Variants in BAZ2B observed in about 807,000 individuals in gnomAD.
BAZ2B encodes bromodomain adjacent to zinc finger domain protein 2B.
Under a neutral mutation model 246.0 loss-of-function variants are expected in BAZ2B, and 91 were observed. The observed-to-expected ratio is 0.37, with a 90% CI of 0.31 to 0.44. The LOEUF (loss-of-function observed/expected upper bound fraction) is 0.44. Among genes scored for constraint, BAZ2B ranks in the 20% least tolerant of loss-of-function variants. BAZ2B has a pLI of 1.00. For missense variants in BAZ2B, 2,332 were observed against 2,533.7 expected, an observed-to-expected ratio of 0.92 and a Z score of 1.71; for synonymous variants, 855 against 860.0, an observed-to-expected ratio of 0.99 and a Z score of 0.10.
chr2:159,441,425 T>C (rs781396717), intron 6 of BAZ2B, among the ~76,000 whole-genome samples: 14 of 152,142 alleles, frequency 9.2e-5, no homozygotes, highest in Non-Finnish European at 1.6e-4. Flanking sequence ...GAGCATACTT[T>C]GGCCATGTGT....
chr2:159,380,189 T>C (rs981846378), intron 25 of BAZ2B, among the ~76,000 whole-genome samples: 7 of 152,080 alleles, frequency 4.6e-5, no homozygotes, highest in Non-Finnish European at 1.0e-4. Context: ...CTCTTTTCTT[T>C]CCATCAAAAA....
intron 1 of BAZ2B, among the ~76,000 whole-genome samples, chr2:159,594,776 C>T (rs1402272549): frequency 2.6e-5 from 4 of 152,036 alleles, no homozygotes; most frequent in African/African-American, 9.7e-5. Flanking sequence ...GGACTACAGG[C>T]GCGTGCCAAC....
At chr2:159,482,057 T>C (rs2079291995) in intron 2 of BAZ2B, among the ~76,000 whole-genome samples, 1 of 151,722 alleles carries the variant, frequency 6.6e-6, no homozygotes, top group Non-Finnish European at 1.5e-5. Context: ...TAGGGGAAGC[T>C]GGATGAAAAA....
At chr2:159,391,722 C>A (rs1019426099) in intron 20 of BAZ2B, among the ~76,000 whole-genome samples, 2 of 151,884 alleles carry the variant, frequency 1.3e-5, no homozygotes, top group African/African-American at 4.8e-5. Flanking sequence ...TGGTGACATG[C>A]AATACTTTTT....
chr2:159,461,821 C>G (rs1447620464), intron 3 of BAZ2B: 1 of 152,694 alleles, frequency 6.5e-6, no homozygotes, highest in Non-Finnish European at 1.5e-5. Flanking sequence ...CCCAGAGAAG[C>G]TGACACTTCC....
intron 2 of BAZ2B, among the ~76,000 whole-genome samples, chr2:159,550,589 T>C (rs565511149): frequency 6.6e-6 from 1 of 152,084 alleles, no homozygotes; most frequent in African/African-American, 2.4e-5. Flanking sequence ...GGAAAAAAAA[T>C]TAGAAGAGGG....
At chr2:159,412,655 CA>C in intron 13 of BAZ2B, 110 bp from the exon 14 acceptor site, 1 of 988,290 alleles carries the variant, frequency 1.0e-6, no homozygotes, top group Non-Finnish European at 1.5e-6. Context: ...GAATTTACAA[CA>C]TTAGTATAAG....
At chr2:159,692,247 C>T in the BAZ2B span, among the ~76,000 whole-genome samples, 2 of 151,942 alleles carry the variant, frequency 1.3e-5, no homozygotes, top group Non-Finnish European at 2.9e-5. Context: ...CTCTGACTCC[C>T]AGGTTCAAGC....
chr2:159,352,662 T>A (rs970358676), intron 27 of BAZ2B, among the ~76,000 whole-genome samples: 1 of 152,156 alleles, frequency 6.6e-6, no homozygotes, highest in Non-Finnish European at 1.5e-5. Context: ...ATTTTTGTAT[T>A]TTTTGTAGAG....
intron 1 of BAZ2B, among the ~76,000 whole-genome samples, chr2:159,565,379 A>G (rs2090286626): frequency 6.6e-6 from 1 of 152,204 alleles, no homozygotes. Context: ...TTATTTTTGT[A>G]TTAAAATGGG....
At chr2:159,456,266 A>G (rs1044016606) in intron 3 of BAZ2B, among the ~76,000 whole-genome samples, 2 of 152,072 alleles carry the variant, frequency 1.3e-5, no homozygotes, top group African/African-American at 4.8e-5. Context: ...AATTGGTAAT[A>G]ATTGGTAGTA....
chr2:159,396,963 A>G, intron 19 of BAZ2B: 1 of 787,682 alleles, frequency 1.3e-6, no homozygotes, highest in South Asian at 1.7e-5. Context: ...GCCATGCAGC[A>G]GTATGTAATA....
rs775234669 is a variant in BAZ2B at position 159,337,551 on chromosome 2, G to A, written c.5660+16C>T. 2 of 1,613,950 alleles carry A rather than the reference G, an allele frequency of 1.2e-6. No homozygotes were observed. Among genetic ancestry groups the A allele is most frequent in the Non-Finnish European group, 1.7e-6 (2 of 1,179,968 alleles). On this transcript the variant is annotated intron_variant, in intron 32 of 36. Coordinates refer to ENST00000392783, the MANE Select transcript of BAZ2B (RefSeq NM_013450.4). ...GTTTGATCTGAATGGTGGTACTTAA[G>A]GGGCTCTTCAGATACCTTCTTTCAA...
intron 13 of BAZ2B, among the ~76,000 whole-genome samples, chr2:159,423,579 T>C (rs2069185544): frequency 6.6e-6 from 1 of 152,164 alleles, no homozygotes; most frequent in African/African-American, 2.4e-5. Flanking sequence ...ACATGTTCAT[T>C]GCAGCATTAT....
intron 27 of BAZ2B, among the ~76,000 whole-genome samples, chr2:159,355,966 C>G (rs189722544): frequency 6.6e-6 from 1 of 152,334 alleles, no homozygotes; most frequent in Non-Finnish European, 1.5e-5. Context: ...CCAGATACTA[C>G]GCTTTTCCCA....
downstream of BAZ2B, among the ~76,000 whole-genome samples, chr2:159,318,790 C>T (rs2062378415): frequency 6.6e-6 from 1 of 151,902 alleles, no homozygotes; most frequent in South Asian, 2.1e-4. Flanking sequence ...AGTTCGCAGA[C>T]CAGAGAGGTT....
chr2:159,526,952 C>CT (rs754477480), intron 2 of BAZ2B, among the ~76,000 whole-genome samples: 1,422 of 140,654 alleles, frequency 0.01, 20 homozygotes, highest in African/African-American at 0.032. Context: ...GTGTTTCTTC[C>CT]TTTTTTTTTT....
In BAZ2B at chr2:159,585,247, G is replaced by A. The variant is rs544995979; in HGVS notation, c.-45-29382C>T. ...ATTTAAGATGCTTCGTCAGTGTGCAGGTAGAGAAGTCAAGAAGACAAGAAG... is the reference window on the plus strand; with the variant it reads ...ATTTAAGATGCTTCGTCAGTGTGCAAGTAGAGAAGTCAAGAAGACAAGAAG... On this transcript the variant is annotated intron_variant, in intron 1 of 36. Coordinates refer to ENST00000392783, the MANE Select transcript of BAZ2B (RefSeq NM_013450.4). Among the ~76,000 whole-genome samples, 5 of 152,288 alleles carry A rather than the reference G, an allele frequency of 3.3e-5. No homozygotes were observed. The South Asian group carries it at 1.0e-3, about 32-fold the overall frequency.
chr2:159,529,726 T>C (rs895115859), intron 2 of BAZ2B, among the ~76,000 whole-genome samples: 5 of 152,204 alleles, frequency 3.3e-5, no homozygotes, highest in African/African-American at 4.8e-5. Context: ...AAAAGCTCCA[T>C]GAGTGCAGAG....
Sources: allele counts gnomAD v4.1 joint callset (sites outside exome capture counted in the v4.1 genomes callset), GRCh38; gene constraint gnomAD v4.1.1; transcripts MANE v1.5; gene names NCBI Gene and HGNC (gene_info 2026-07-23, HGNC 2026-07-21).